The following ADAMTS6 variants were observed in gnomAD, a reference collection of about 807,000 sequenced individuals.
ADAMTS6 encodes ADAM metallopeptidase with thrombospondin type 1 motif 6.
A neutral mutation model predicts 144.3 loss-of-function variants in ADAMTS6; 23 were observed. The observed-to-expected ratio is 0.16, with a 90% CI of 0.11 to 0.23. The LOEUF is 0.23. Ranked by LOEUF, ADAMTS6 falls within the 10% of genes least tolerant of loss-of-function variation. ADAMTS6 has a pLI of 1.00. For missense variants in ADAMTS6, 999 were observed against 1,379.6 expected, an observed-to-expected ratio of 0.72 and a Z score of 4.37; for synonymous variants, 444 against 457.5, an observed-to-expected ratio of 0.97 and a Z score of 0.38.
At position 65,329,437 on chromosome 5, in the gene ADAMTS6, G is replaced by A. The variant is rs763714239; in HGVS notation, c.1164C>T (p.Ser388=). 1 of 1,612,886 alleles carries A rather than the reference G, an allele frequency of 6.2e-7. No individual in the cohort carries two copies. Among genetic ancestry groups the A allele is most frequent in the Non-Finnish European group, 8.5e-7 (1 of 1,179,328 alleles). The change falls in exon 9 of 25, where the codon AGC becomes AGT. Residue 388 remains serine, a synonymous_variant. Coordinates refer to ENST00000381055, the MANE Select transcript of ADAMTS6 (RefSeq NM_197941.4). ...AACCCAGGCCAATGTCTTCATTAAT[G>A]CTGCAGCTCCTTTCAGGCTCACACA... ...AGMCEPERSC[S]INEDIGLGSA... is the part of the protein sequence containing the mutation.
At chr5:65,447,879 T>C (rs1474661836) in intron 7 of ADAMTS6, among the ~76,000 whole-genome samples, 4 of 150,502 alleles carry the variant, frequency 2.7e-5, no homozygotes, top group African/African-American at 9.7e-5. Flanking sequence ...AATATTGCCA[T>C]ATTTCCACAA....
At chr5:65,162,380 C>CA (rs1752830418) in intron 24 of ADAMTS6, among the ~76,000 whole-genome samples, 2 of 152,122 alleles carry the variant, frequency 1.3e-5, no homozygotes, top group Admixed American at 1.3e-4. Flanking sequence ...TGTTTTACTT[C>CA]AAAATCAGAA....
intron 22 of ADAMTS6, among the ~76,000 whole-genome samples, chr5:65,176,499 C>T (rs79059700): frequency 3.9e-5 from 6 of 152,072 alleles, no homozygotes; most frequent in East Asian, 1.9e-4. Flanking sequence ...AGTTTTAAAA[C>T]GTTAATTGTA....
chr5:65,179,580 G>C (rs1754206768), intron 22 of ADAMTS6, among the ~76,000 whole-genome samples: 1 of 152,114 alleles, frequency 6.6e-6, no homozygotes, highest in Non-Finnish European at 1.5e-5. Flanking sequence ...CAGAAAATAA[G>C]TACATTTGTC....
At chr5:65,256,881 A>G (rs1760703482) in intron 14 of ADAMTS6, among the ~76,000 whole-genome samples, 1 of 149,346 alleles carries the variant, frequency 6.7e-6, no homozygotes, top group South Asian at 2.1e-4. Flanking sequence ...TAAAACTTCC[A>G]TTCTTCTGAG....
At position 65,381,466 on chromosome 5, in the gene ADAMTS6, G is replaced by A. The variant is rs12520650; in HGVS notation, c.1074-47381C>T. Among the ~76,000 whole-genome samples the A allele has an allele frequency of 6.9e-4, 104 of 149,744 alleles. 2 individuals carry two copies. The highest frequency in any genetic ancestry group is 6.4e-3 in the Admixed American group (96 of 15,032). ...CAACCTCCACCTCTTGGGTTCAAGCGATTCTCCTGTCTCAGCCTCCAGAGT... is the reference window on the plus strand; with the variant it reads ...CAACCTCCACCTCTTGGGTTCAAGCAATTCTCCTGTCTCAGCCTCCAGAGT... On this transcript the variant is annotated intron_variant, in intron 7 of 24. Coordinates refer to ENST00000381055, the MANE Select transcript of ADAMTS6 (RefSeq NM_197941.4).
chr5:65,404,548 A>G (rs1334384187), intron 7 of ADAMTS6, among the ~76,000 whole-genome samples: 2 of 152,156 alleles, frequency 1.3e-5, no homozygotes, highest in Non-Finnish European at 2.9e-5. Flanking sequence ...TCTATCATTG[A>G]TGGACATTTG....
At chr5:65,246,822 G>A (rs905985508) in intron 14 of ADAMTS6, among the ~76,000 whole-genome samples, 5 of 152,088 alleles carry the variant, frequency 3.3e-5, no homozygotes, top group African/African-American at 1.2e-4. Context: ...CATTCCATCA[G>A]GGAATGCTCT....
intron 21 of ADAMTS6, among the ~76,000 whole-genome samples, chr5:65,192,531 A>G (rs1755080280): frequency 6.6e-6 from 1 of 152,022 alleles, no homozygotes; most frequent in Non-Finnish European, 1.5e-5. Flanking sequence ...TACTCTTGCT[A>G]TTAAAACACG....
chr5:65,214,408 C>T lies in ADAMTS6; in HGVS notation c.2575+386G>A, dbSNP rs931882075. ...CACACACAACAAGCACACAGCCGTA[C>T]ATTCTCATCTCCCATTACAAGAAGT... On this transcript the variant is annotated intron_variant, in intron 20 of 24. Transcript: ENST00000381055. This position sits in a 1 kb window ranked among gnomAD's most constrained non-coding sequence, Gnocchi z 4.6. The T allele has an allele frequency of 1.7e-5, 6 of 348,774 alleles. No individual in the cohort carries two copies. The highest frequency in any genetic ancestry group is 1.6e-4 in the Admixed American group (4 of 24,478). The allele number at this position is 348,774 out of a possible 1,614,324, so 21.6% of individuals were successfully genotyped here. A position where few individuals can be genotyped will look rare whatever the true frequency, so the allele number is the denominator to read the frequency against.
At chr5:65,394,657 C>T (rs1753195597) in intron 7 of ADAMTS6, among the ~76,000 whole-genome samples, 1 of 152,112 alleles carries the variant, frequency 6.6e-6, no homozygotes, top group Non-Finnish European at 1.5e-5. Context: ...CCACAGGGCT[C>T]TCAGTTTTCT....
Position 65,365,377 on chromosome 5 carries a change from G to A in ADAMTS6, c.1074-31292C>T, listed in dbSNP as rs187098454. Among the ~76,000 whole-genome samples, 223 of 152,288 alleles carry A rather than the reference G, an allele frequency of 1.5e-3. 1 individual carries two copies. The highest frequency in any genetic ancestry group is 2.7e-3 in the Non-Finnish European group (183 of 68,022). ...ATTAACTGAACAGGCTGGGCACAGT[G>A]GCTCACACCTGTAATCCAAGCACTT... On this transcript the variant is annotated intron_variant, in intron 7 of 24. Coordinates refer to ENST00000381055, the MANE Select transcript of ADAMTS6 (RefSeq NM_197941.4).
intron 14 of ADAMTS6, among the ~76,000 whole-genome samples, chr5:65,255,064 C>G (rs1267599883): frequency 6.6e-6 from 1 of 152,144 alleles, no homozygotes; most frequent in African/African-American, 2.4e-5. Context: ...ACCCACTATC[C>G]ATTACTCTCT....
At chr5:65,215,704 G>A (rs1011769219) in intron 18 of ADAMTS6, among the ~76,000 whole-genome samples, 4 of 152,168 alleles carry the variant, frequency 2.6e-5, no homozygotes, top group South Asian at 4.1e-4. Context: ...AGAAAGCAAC[G>A]AAAGGTTAAC....
At chr5:65,456,656 G>A (rs1268461341) in intron 4 of ADAMTS6, among the ~76,000 whole-genome samples, 2 of 151,936 alleles carry the variant, frequency 1.3e-5, no homozygotes, top group African/African-American at 2.4e-5. Flanking sequence ...CCTTGCATAC[G>A]GGTACTAAAT....
chr5:65,407,782 T>C (rs1221367660), intron 7 of ADAMTS6, among the ~76,000 whole-genome samples: 1 of 152,136 alleles, frequency 6.6e-6, no homozygotes, highest in African/African-American at 2.4e-5. Flanking sequence ...CATGCTGCTA[T>C]AAAGACACAT....
intron 7 of ADAMTS6, among the ~76,000 whole-genome samples, chr5:65,365,219 G>C (rs1022978344): frequency 3.3e-5 from 5 of 151,662 alleles, no homozygotes; most frequent in Non-Finnish European, 7.4e-5. Context: ...CCAAGATTAG[G>C]GACAATAATA....
At chr5:65,197,001 T>G in intron 21 of ADAMTS6, 21 bp downstream of exon 21, 1 of 1,601,878 alleles carries the variant, frequency 6.2e-7, no homozygotes, top group East Asian at 2.2e-5. Flanking sequence ...AAAATAATTC[T>G]CATTTCTTTC....
chr5:65,386,050 C>T (rs1752448983), intron 7 of ADAMTS6, among the ~76,000 whole-genome samples: 1 of 152,140 alleles, frequency 6.6e-6, no homozygotes, highest in Non-Finnish European at 1.5e-5. Context: ...AACATTTTAA[C>T]AATATGGGCT....
Sources: allele counts gnomAD v4.1 joint callset (sites outside exome capture counted in the v4.1 genomes callset), GRCh38; gene constraint gnomAD v4.1.1; non-coding constraint Gnocchi (gnomAD v3.1); transcripts MANE v1.5; gene names NCBI Gene and HGNC (gene_info 2026-07-23, HGNC 2026-07-21).